The following DLG2 variants were observed in gnomAD, a reference collection of about 807,000 sequenced individuals.
DLG2 encodes disks large homolog 2.
In DLG2, 45 loss-of-function variants were observed where a neutral mutation model predicts 132.5. The ratio of observed to expected loss-of-function variants is 0.34; its 90% confidence interval spans 0.27 to 0.44. DLG2 has a LOEUF of 0.44. Ranked by LOEUF, DLG2 falls within the 20% of genes least tolerant of loss-of-function variation. The pLI, the probability that DLG2 is intolerant of heterozygous loss-of-function variation, is 1.00. For missense variants in DLG2, 1,045 were observed against 1,196.9 expected, an observed-to-expected ratio of 0.87 and a Z score of 1.87; for synonymous variants, 424 against 419.6, an observed-to-expected ratio of 1.01 and a Z score of -0.13.
chr11:85,367,532 AG>A (rs2084651538), intron 3 of DLG2, among the ~76,000 whole-genome samples: 1 of 152,136 alleles, frequency 6.6e-6, no homozygotes, highest in Admixed American at 6.5e-5. Flanking sequence ...GCATATTGGG[AG>A]GTGCTCTGAC....
chr11:84,403,686 T>C lies in DLG2; in HGVS notation c.519+130884A>G, dbSNP rs115252982. Among the ~76,000 whole-genome samples, 369 of 152,316 alleles carry C rather than the reference T, an allele frequency of 2.4e-3. 3 individuals carry two copies. Among genetic ancestry groups the C allele is most frequent in the African/African-American group, 7.3e-3 (303 of 41,570 alleles). ...TTCACATAGTTAAATGTCCAAACTC[T>C]TCAACTCTAACTTCTACTCTTCAAT... is the stretch of plus-strand genomic sequence containing the variant. On this transcript the variant is annotated intron_variant, in intron 7 of 27. Coordinates refer to ENST00000376104, the MANE Select transcript of DLG2 (RefSeq NM_001142699.3).
chr11:83,732,969 C>T (rs923711694), intron 18 of DLG2, among the ~76,000 whole-genome samples: 8 of 152,064 alleles, frequency 5.3e-5, no homozygotes, highest in South Asian at 4.1e-4. Context: ...TGGCTGGGCG[C>T]GACGGCTCAC....
intron 12 of DLG2, among the ~76,000 whole-genome samples, chr11:83,978,461 T>C (rs2092477239): frequency 6.6e-6 from 1 of 152,094 alleles, no homozygotes; most frequent in Non-Finnish European, 1.5e-5. Flanking sequence ...GCAATAAAGT[T>C]TATATTCCAG....
At chr11:83,703,958 CA>C (rs1311499711) in intron 18 of DLG2, among the ~76,000 whole-genome samples, 3 of 151,898 alleles carry the variant, frequency 2.0e-5, no homozygotes, top group African/African-American at 7.3e-5. Context: ...GAAGTGCCCA[CA>C]AAACATTGTT....
intron 18 of DLG2, among the ~76,000 whole-genome samples, chr11:83,714,879 A>G (rs924769063): frequency 1.3e-5 from 2 of 152,228 alleles, no homozygotes; most frequent in Admixed American, 1.3e-4. Context: ...TAGAACAAGA[A>G]ATGTCATTTG....
intron 7 of DLG2, among the ~76,000 whole-genome samples, chr11:84,526,135 A>C (rs891356248): frequency 6.6e-6 from 1 of 152,160 alleles, no homozygotes; most frequent in Non-Finnish European, 1.5e-5. Context: ...CTATGACAAA[A>C]TATGTCTGGG....
At chr11:84,361,637 C>T (rs1422755102) in intron 7 of DLG2, among the ~76,000 whole-genome samples, 1 of 151,868 alleles carries the variant, frequency 6.6e-6, no homozygotes, top group Admixed American at 6.6e-5. Flanking sequence ...AAATGAAGAA[C>T]ATCAGAAATG....
intron 20 of DLG2, among the ~76,000 whole-genome samples, chr11:83,539,503 A>C (rs908082574): frequency 6.6e-6 from 1 of 152,106 alleles, no homozygotes; most frequent in African/African-American, 2.4e-5. Context: ...AGTGATTTTT[A>C]TGTTTTTCTA....
chr11:83,586,962 A>G (rs920846232), intron 19 of DLG2, among the ~76,000 whole-genome samples: 5 of 152,200 alleles, frequency 3.3e-5, no homozygotes, highest in Non-Finnish European at 7.3e-5. Flanking sequence ...CCTTGACACT[A>G]GTAAATGAGG....
intron 6 of DLG2, among the ~76,000 whole-genome samples, chr11:84,979,029 C>T (rs974501286): frequency 1.4e-4 from 22 of 152,146 alleles, no homozygotes; most frequent in Admixed American, 5.9e-4. Context: ...CAAAATAAGA[C>T]ATTTATGCAG....
At chr11:83,829,938 A>C (rs974705285) in intron 17 of DLG2, among the ~76,000 whole-genome samples, 1 of 152,012 alleles carries the variant, frequency 6.6e-6, no homozygotes, top group African/African-American at 2.4e-5. Context: ...GATGTTCGCC[A>C]TCCTGTGTCC....
intron 7 of DLG2, among the ~76,000 whole-genome samples, chr11:84,295,661 T>C (rs2098080406): frequency 6.6e-6 from 1 of 152,210 alleles, no homozygotes; most frequent in Admixed American, 6.5e-5. Context: ...TGATTCAGGG[T>C]CCAGAGTAGT....
chr11:84,287,134 C>G (rs926151097), intron 7 of DLG2, among the ~76,000 whole-genome samples: 5 of 152,124 alleles, frequency 3.3e-5, no homozygotes, highest in African/African-American at 1.2e-4. Flanking sequence ...TATTATCTGT[C>G]TTCTTTACAT....
chr11:83,884,024 C>T (rs140223295), intron 15 of DLG2, among the ~76,000 whole-genome samples: 1,732 of 150,512 alleles, frequency 0.012, 14 homozygotes, highest in Middle Eastern at 0.032. Context: ...ACGCAGAAGA[C>T]GGGTGATTTC....
intron 9 of DLG2, among the ~76,000 whole-genome samples, chr11:84,106,292 T>C (rs2092906827): frequency 6.6e-6 from 1 of 152,142 alleles, no homozygotes; most frequent in African/African-American, 2.4e-5. Flanking sequence ...TCATACACAT[T>C]ACTTGTTAAA....
intron 16 of DLG2, among the ~76,000 whole-genome samples, chr11:83,842,930 G>A (rs1342159247): frequency 6.6e-6 from 1 of 152,076 alleles, no homozygotes; most frequent in African/African-American, 2.4e-5. Context: ...AGTTACTCCA[G>A]TCAAATCCTA....
At chr11:85,549,394 C>T (rs930071411) in intron 3 of DLG2, among the ~76,000 whole-genome samples, 1 of 152,156 alleles carries the variant, frequency 6.6e-6, no homozygotes, top group African/African-American at 2.4e-5. Flanking sequence ...TCAATCTCAC[C>T]AGGAGCTGCA....
At chr11:85,464,685 A>T (rs191018331) in intron 3 of DLG2, among the ~76,000 whole-genome samples, 21 of 152,246 alleles carry the variant, frequency 1.4e-4, no homozygotes, top group African/African-American at 4.8e-4. Flanking sequence ...TTCCCATTTT[A>T]GCAGAATTCA....
intron 3 of DLG2, among the ~76,000 whole-genome samples, chr11:85,560,678 T>G (rs1329582239): frequency 6.6e-6 from 1 of 151,896 alleles, no homozygotes; most frequent in Non-Finnish European, 1.5e-5. Flanking sequence ...AATGATACAC[T>G]TATAATGGAT....
Sources: allele counts gnomAD v4.1 joint callset (sites outside exome capture counted in the v4.1 genomes callset), GRCh38; gene constraint gnomAD v4.1.1; transcripts MANE v1.5; gene names NCBI Gene and HGNC (gene_info 2026-07-23, HGNC 2026-07-21).